Variants in UPRT observed in about 807,000 individuals in gnomAD.
The protein encoded by UPRT is RP11-311P8.3.
UPRT carries 5 observed loss-of-function variants against 22.6 expected under a neutral mutation model. The ratio of observed to expected loss-of-function variants is 0.22; its 90% confidence interval spans 0.12 to 0.47. The LOEUF is 0.47. Among genes scored for constraint, UPRT ranks in the 20% least tolerant of loss-of-function variants. The pLI is 0.99. For synonymous variants in UPRT, 77 were observed against 87.7 expected, an observed-to-expected ratio of 0.88 and a Z score of 0.68; for missense variants, 181 against 239.9, an observed-to-expected ratio of 0.75 and a Z score of 1.62.
In UPRT at chrX:75,258,198, T is replaced by TA. The variant is rs1162897779; in HGVS notation, c.-446-32826_-446-32825insA. On this transcript the variant is annotated intron_variant, in intron 4 of 13. Transcript: ENST00000652605. Reference sequence around the variant, plus strand: ...ACACCAAGCTAGCTGCAGGTGTTTTTTTTTTTTTTTTCCTTTTTTCTTTCT... The same window carrying TA: ...ACACCAAGCTAGCTGCAGGTGTTTTTATTTTTTTTTTTCCTTTTTTCTTTCT... 2.9e-5 allele frequency among the ~76,000 whole-genome samples: 3 copies of TA among 104,500 alleles called. No homozygotes were observed. The South Asian group carries it at 1.4e-3, about 49-fold the overall frequency. 90.7% of individuals were successfully genotyped at this position (104,500 alleles called of 115,157 possible). A position where few individuals can be genotyped will look rare whatever the true frequency, so the allele number is the denominator to read the frequency against.
intron 4 of UPRT, among the ~76,000 whole-genome samples, chrX:75,219,203 A>T (rs1451816316): frequency 2.1e-4 from 23 of 111,895 alleles, no homozygotes; most frequent in Non-Finnish European, 3.8e-5. Context: ...AATGGAGTTC[A>T]ATTTAATTCA....
intron 4 of UPRT, among the ~76,000 whole-genome samples, chrX:75,216,794 T>G (rs1262283411): frequency 8.9e-6 from 1 of 112,348 alleles, no homozygotes; most frequent in Non-Finnish European, 1.9e-5. Flanking sequence ...TCGCTCTGTC[T>G]CCCAGGCTGG....
At chrX:75,191,413 A>G (rs1245427190) in intron 4 of UPRT, among the ~76,000 whole-genome samples, 1 of 111,359 alleles carries the variant, frequency 9.0e-6, no homozygotes, top group Non-Finnish European at 1.9e-5. Flanking sequence ...CAGTTAGGCT[A>G]CTCGGGGGTG....
chrX:75,206,353 G>A (rs1472136292), intron 4 of UPRT, among the ~76,000 whole-genome samples: 4 of 111,124 alleles, frequency 3.6e-5, no homozygotes, highest in Admixed American at 9.6e-5. Context: ...CGGGCCTGAT[G>A]TGTGGGGAAA....
In UPRT at chrX:75,293,858, A is replaced by G. The variant is rs770628517; in HGVS notation, c.429+344A>G. Reference sequence around the variant, plus strand: ...AACCAAAAATGTAAGGAGACCTCATAGTTACACTTGTGGTATCCAACGAAT... The same window carrying G: ...AACCAAAAATGTAAGGAGACCTCATGGTTACACTTGTGGTATCCAACGAAT... On this transcript the variant is annotated intron_variant, in intron 2 of 6. Transcript: ENST00000373383. Among the ~76,000 whole-genome samples the G allele has an allele frequency of 6.3e-5, 7 of 111,856 alleles. No individual in the cohort carries two copies. The South Asian group carries it at 2.6e-3, about 42-fold the overall frequency.
chrX:75,241,239 A>G (rs191718484), intron 4 of UPRT, among the ~76,000 whole-genome samples: 308 of 111,401 alleles, frequency 2.8e-3, no homozygotes, highest in African/African-American at 9.5e-3. Context: ...AATAAAATGA[A>G]CAACTCCATC....
intron 4 of UPRT, among the ~76,000 whole-genome samples, chrX:75,186,943 T>C (rs1440950388): frequency 8.9e-6 from 1 of 111,768 alleles, no homozygotes; most frequent in Non-Finnish European, 1.9e-5. Context: ...GTTTCCTGAA[T>C]ACAGCACACT....
intron 5 of UPRT, among the ~76,000 whole-genome samples, chrX:75,300,204 C>G (rs1195838874): frequency 9.0e-6 from 1 of 111,501 alleles, no homozygotes; most frequent in Non-Finnish European, 1.9e-5. Context: ...CTAATGAGTA[C>G]AGCAGTGATT....
At chrX:75,190,920 T>G (rs894372615) in intron 4 of UPRT, among the ~76,000 whole-genome samples, 1 of 111,563 alleles carries the variant, frequency 9.0e-6, no homozygotes, top group South Asian at 3.8e-4. Flanking sequence ...GTGATGGGTT[T>G]GAACTTCCTC....
intron 4 of UPRT, among the ~76,000 whole-genome samples, chrX:75,185,541 G>T (rs1250689335): frequency 1.8e-5 from 2 of 112,144 alleles, no homozygotes; most frequent in Admixed American, 1.9e-4. Context: ...CTCATAAAAT[G>T]AGTTAGGGAG....
intron 4 of UPRT, among the ~76,000 whole-genome samples, chrX:75,234,300 C>A (rs1345241020): frequency 2.7e-5 from 3 of 110,961 alleles, no homozygotes; most frequent in African/African-American, 9.9e-5. Flanking sequence ...TCCTGAGTGA[C>A]CTACAAAAAG....
chrX:75,179,591 G>C (rs1402205341), intron 4 of UPRT, among the ~76,000 whole-genome samples: 1 of 113,081 alleles, frequency 8.8e-6, no homozygotes, highest in Non-Finnish European at 1.9e-5. Context: ...GGGGAGGCTC[G>C]GGCCGCACAG....
chrX:75,197,228 A>C (rs180743586), intron 4 of UPRT, among the ~76,000 whole-genome samples: 2 of 112,027 alleles, frequency 1.8e-5, no homozygotes, highest in Admixed American at 1.9e-4. Context: ...AGTACCTGAA[A>C]CCAAGAATTT....
intron 1 of UPRT, among the ~76,000 whole-genome samples, chrX:75,277,117 ATT>A (rs2082634520): frequency 8.9e-6 from 1 of 112,076 alleles, no homozygotes; most frequent in Admixed American, 9.5e-5. Flanking sequence ...ATATACCACA[ATT>A]TGTTTATCCA....
chrX:75,180,555 G>A (rs1222226877), intron 4 of UPRT, among the ~76,000 whole-genome samples: 1 of 111,275 alleles, frequency 9.0e-6, no homozygotes, highest in Non-Finnish European at 1.9e-5. Flanking sequence ...CCGCTTTTCT[G>A]ACATATTCCT....
intron 4 of UPRT, chrX:75,202,628 A>C (rs1473915737): frequency 8.9e-6 from 1 of 112,256 alleles, no homozygotes; most frequent in Non-Finnish European, 1.9e-5. Context: ...ATAGAAGCAA[A>C]AAACAAGGGC....
At chrX:75,279,501 CT>C (rs2147687654) in intron 1 of UPRT, among the ~76,000 whole-genome samples, 1 of 111,696 alleles carries the variant, frequency 9.0e-6, no homozygotes, top group South Asian at 3.8e-4. Context: ...GAAAGGGGGT[CT>C]GACCTGGCAC....
At chrX:75,249,803 G>C (rs1442154637) in intron 4 of UPRT, among the ~76,000 whole-genome samples, 32 of 111,286 alleles carry the variant, frequency 2.9e-4, no homozygotes, top group Non-Finnish European at 5.1e-4. Flanking sequence ...TGACCACATA[G>C]TTGGAAGTAA....
At chrX:75,228,070 G>T (rs1360565246) in intron 4 of UPRT, among the ~76,000 whole-genome samples, 1 of 111,823 alleles carries the variant, frequency 8.9e-6, no homozygotes, top group East Asian at 2.8e-4. Context: ...GTTTGTGCAG[G>T]AAGTTTATTG....
Sources: gnomAD v4.1 joint callset for allele counts (sites outside exome capture counted in the v4.1 genomes callset) on GRCh38, gnomAD v4.1.1 for gene constraint, MANE v1.5 for transcripts, NCBI Gene and HGNC (gene_info 2026-07-23, HGNC 2026-07-21) for gene names.